The following CUX1 variants were observed in gnomAD, a reference collection of about 807,000 sequenced individuals.
CUX1 encodes protein CASP.
Under a neutral mutation model 158.8 loss-of-function variants are expected in CUX1, and 31 were observed. That is an observed-to-expected ratio of 0.20 (90% CI 0.15 to 0.26). The LOEUF is 0.26. Ranked by LOEUF, CUX1 falls within the 10% of genes least tolerant of loss-of-function variation. The pLI is 1.00. For synonymous variants in CUX1, 879 were observed against 862.1 expected (o/e 1.02, Z -0.34); for missense variants, 1,589 against 2,014.6 (o/e 0.79, Z 4.04).
rs377680895 is a variant in CUX1 at position 102,205,389 on chromosome 7, C to T, written c.3130+219C>T. Reference sequence around the variant, plus strand: ...TGGAGGGACTCTGCCAAGATTTGCACGCCCACTGTCATCCTTTGTCGGCCC... The same window carrying T: ...TGGAGGGACTCTGCCAAGATTTGCATGCCCACTGTCATCCTTTGTCGGCCC... On this transcript the variant is annotated intron_variant, in intron 20 of 23. Transcript: ENST00000292535. Among the ~76,000 whole-genome samples the T allele has an allele frequency of 1.6e-4, 24 of 152,288 alleles. 1 individual carries two copies. The East Asian group carries it at 3.7e-3, about 23-fold the overall frequency.
At chr7:101,993,335 T>A (rs1233974891) in intron 2 of CUX1, among the ~76,000 whole-genome samples, 1 of 76,380 alleles carries the variant, frequency 1.3e-5, no homozygotes. Context: ...GTCTCAAAAA[T>A]AAATAAATAA....
intron 10 of CUX1, 123 bp downstream of exon 10, chr7:102,170,673 C>A: frequency 1.5e-6 from 1 of 651,752 alleles, no homozygotes; most frequent in Non-Finnish European, 2.6e-6. Context: ...ACTAGTACTG[C>A]TTTCTCGGTG....
At position 102,251,789 on chromosome 7, in the gene CUX1, AAAG is replaced by A. The variant is rs1462251481; in HGVS notation, c.*2751_*2753del. 53 of 985,382 alleles carry A rather than the reference AAAG, an allele frequency of 5.4e-5. No homozygotes were observed. Among genetic ancestry groups the A allele is most frequent in the South Asian group, 5.2e-4 (11 of 21,290 alleles). The allele number at this position is 985,382 out of a possible 1,614,324, so 61.0% of individuals were successfully genotyped here. On this transcript the variant is annotated 3_prime_UTR_variant, in exon 24 of 24. Transcript: ENST00000292535. The stretch of plus-strand genomic sequence containing the variant: ...TATCGTCTAATTTTCATAAGAATGA[AAAG>A]AAGTTAACAGGAAATAGTAGGCTAG...
intron 1 of CUX1, among the ~76,000 whole-genome samples, chr7:101,826,892 G>A (rs750674180): frequency 3.3e-5 from 5 of 152,110 alleles, no homozygotes; most frequent in Admixed American, 1.3e-4. Context: ...TTGTGTGTCC[G>A]ATTTAGGACT....
At chr7:101,898,887 C>T (rs755572819) in intron 1 of CUX1, among the ~76,000 whole-genome samples, 6 of 152,208 alleles carry the variant, frequency 3.9e-5, no homozygotes, top group African/African-American at 9.6e-5. Flanking sequence ...CCACCGCACC[C>T]GGCTAATTTC....
intron 2 of CUX1, among the ~76,000 whole-genome samples, chr7:101,982,945 T>G (rs1585169235): frequency 7.2e-6 from 1 of 137,998 alleles, no homozygotes; most frequent in East Asian, 2.3e-4. Context: ...ATCAATCCCC[T>G]TTCTGGGTGG....
intron 10 of CUX1, among the ~76,000 whole-genome samples, chr7:102,176,875 G>A (rs417013): frequency 0.64 from 96,618 of 151,098 alleles, 32,543 homozygotes; most frequent in African/African-American, 0.83. Flanking sequence ...ACCTGGCCCC[G>A]TGATTACTTT....
At chr7:102,279,794 C>T (rs1345672909) in intron 18 of CUX1, among the ~76,000 whole-genome samples, 4 of 152,232 alleles carry the variant, frequency 2.6e-5, no homozygotes, top group African/African-American at 9.6e-5. Context: ...CCTCAGTTCC[C>T]CATCTGTGCC....
At chr7:101,821,857 G>GTTTTTTTTTTTTTTTTT (rs58248170) in intron 1 of CUX1, among the ~76,000 whole-genome samples, 2 of 83,402 alleles carry the variant, frequency 2.4e-5, no homozygotes, top group African/African-American at 4.5e-5. Flanking sequence ...TTGTTTTTTT[G>GTTTTTTTTTTTTTTTTT]TTTTTTTTTT....
chr7:102,227,611 G>A lies in CUX1; in HGVS notation c.3375G>A (p.Glu1125=), dbSNP rs1260400653. 2 of 1,613,888 alleles carry A rather than the reference G, an allele frequency of 1.2e-6. No individual in the cohort carries two copies. The highest frequency in any genetic ancestry group is 2.2e-5 in the East Asian group (1 of 44,894). ...AAGAATTAGTAGCCATGTCCCCGGAGCTGGACACCTACGGCATAACCAAGC... is the reference window on the plus strand; with the variant it reads ...AAGAATTAGTAGCCATGTCCCCGGAACTGGACACCTACGGCATAACCAAGC... ...SIQELVAMSP[E]LDTYGITKRV... is the part of the protein sequence containing the mutation. The change falls in exon 21 of 24, where the codon GAG becomes GAA. Residue 1125 remains glutamate, a synonymous_variant. Coordinates refer to ENST00000292535, the MANE Select transcript of CUX1 (RefSeq NM_181552.4).
intron 1 of CUX1, among the ~76,000 whole-genome samples, chr7:101,910,258 C>T (rs1284555124): frequency 2.0e-5 from 3 of 152,052 alleles, no homozygotes; most frequent in Non-Finnish European, 4.4e-5. Flanking sequence ...ACGATCCTCC[C>T]GCCTTAGCCC....
chr7:102,224,662 C>T (rs1563441582), intron 20 of CUX1, among the ~76,000 whole-genome samples: 1 of 152,168 alleles, frequency 6.6e-6, no homozygotes, highest in Non-Finnish European at 1.5e-5. Flanking sequence ...CAGTAGTGAG[C>T]GCCCCTGTTT....
intron 22 of CUX1, among the ~76,000 whole-genome samples, chr7:102,238,378 G>A (rs1554533611): frequency 6.6e-6 from 1 of 152,194 alleles, no homozygotes; most frequent in Non-Finnish European, 1.5e-5. Context: ...ATAACAGAAG[G>A]CTCGCACTCT....
intron 16 of CUX1, among the ~76,000 whole-genome samples, chr7:102,274,565 A>C (rs553895022): frequency 6.6e-6 from 1 of 152,186 alleles, no homozygotes; most frequent in Non-Finnish European, 1.5e-5. Flanking sequence ...GCAGTGAGCT[A>C]TGATGGTGCC....
chr7:101,895,919 T>C (rs1801456344), intron 1 of CUX1, among the ~76,000 whole-genome samples: 1 of 147,248 alleles, frequency 6.8e-6, no homozygotes, highest in African/African-American at 2.5e-5. Context: ...TTTTTTTTTT[T>C]TTTTTTTGGA....
chr7:101,974,588 A>G (rs1266255263), intron 2 of CUX1, among the ~76,000 whole-genome samples: 2 of 152,174 alleles, frequency 1.3e-5, no homozygotes, highest in African/African-American at 2.4e-5. Context: ...TAATCTAAAT[A>G]TAGATGTAGA....
At chr7:102,165,847 C>T (rs1790970863) in intron 9 of CUX1, among the ~76,000 whole-genome samples, 1 of 152,132 alleles carries the variant, frequency 6.6e-6, no homozygotes, top group African/African-American at 2.4e-5. Flanking sequence ...GAAAAGCCTC[C>T]TTCACCTTCC....
intron 3 of CUX1, among the ~76,000 whole-genome samples, chr7:102,044,472 G>A (rs1219145748): frequency 6.6e-6 from 1 of 152,146 alleles, no homozygotes; most frequent in African/African-American, 2.4e-5. Context: ...TTACAGGTGT[G>A]AGCCACTGCG....
At chr7:102,223,214 G>C (rs1290191780) in intron 20 of CUX1, among the ~76,000 whole-genome samples, 4 of 151,988 alleles carry the variant, frequency 2.6e-5, no homozygotes, top group Admixed American at 6.6e-5. Flanking sequence ...TCGAGGCCAA[G>C]AGTTTAAGGA....
Sources: gnomAD v4.1 joint callset for allele counts (sites outside exome capture counted in the v4.1 genomes callset) on GRCh38, gnomAD v4.1.1 for gene constraint, MANE v1.5 for transcripts, NCBI Gene and HGNC (gene_info 2026-07-23, HGNC 2026-07-21) for gene names.